Variants in MAP4 observed in about 807,000 individuals in gnomAD.
The protein encoded by MAP4 is microtubule associated protein 4, also known as microtubule-associated protein 4.
A neutral mutation model predicts 170.2 loss-of-function variants in MAP4; 76 were observed. The ratio of observed to expected loss-of-function variants is 0.45; its 90% CI spans 0.37 to 0.54. The LOEUF is 0.54. MAP4 is among the 20% of genes least tolerant of loss of function. MAP4 has a pLI of 0.00. For synonymous variants in MAP4, 909 were observed against 994.5 expected (o/e 0.91, Z 1.62); for missense variants, 2,506 against 2,748.0 (o/e 0.91, Z 1.97).
At chr3:47,956,551 A>G (rs2100067932) in intron 3 of MAP4, among the ~76,000 whole-genome samples, 2 of 152,240 alleles carry the variant, frequency 1.3e-5, no homozygotes, top group Non-Finnish European at 2.9e-5. Context: ...TCATTTATGA[A>G]CAATTATTAA....
chr3:47,899,301 A>G (rs999049201), intron 10 of MAP4, among the ~76,000 whole-genome samples: 3 of 152,066 alleles, frequency 2.0e-5, no homozygotes, highest in African/African-American at 7.2e-5. Flanking sequence ...CACCACACCC[A>G]GCTAATTTTT....
At chr3:48,067,534 T>A (rs1306511347) in intron 1 of MAP4, among the ~76,000 whole-genome samples, 1 of 152,180 alleles carries the variant, frequency 6.6e-6, no homozygotes, top group Non-Finnish European at 1.5e-5. Flanking sequence ...TTTCACTTTC[T>A]TAGGTTTAAA....
intron 10 of MAP4, chr3:47,892,091 A>G (rs2100024334): frequency 6.5e-7 from 1 of 1,535,966 alleles, no homozygotes; most frequent in Admixed American, 2.0e-5. Context: ...TGGCCCCTCT[A>G]TGAGTCCCAG....
chr3:47,880,465 GTTTTT>G (rs3079393), intron 10 of MAP4, among the ~76,000 whole-genome samples: 5 of 106,082 alleles, frequency 4.7e-5, no homozygotes, highest in African/African-American at 1.2e-4. Flanking sequence ...TCCAATTTCA[GTTTTT>G]TTTTTTTTTT....
At chr3:47,948,811 C>A (rs1453602071) in intron 3 of MAP4, among the ~76,000 whole-genome samples, 1 of 151,886 alleles carries the variant, frequency 6.6e-6, no homozygotes, top group Non-Finnish European at 1.5e-5. Flanking sequence ...TTAGTAGAGA[C>A]AGGGTTTCAC....
At chr3:47,866,582 C>T (rs540725046) in intron 17 of MAP4, among the ~76,000 whole-genome samples, 4 of 151,502 alleles carry the variant, frequency 2.6e-5, no homozygotes, top group African/African-American at 4.8e-5. Flanking sequence ...AGTGAAATCC[C>T]GTCTCTACTA....
chr3:48,065,201 T>C (rs1237437490), intron 1 of MAP4, among the ~76,000 whole-genome samples: 1 of 152,188 alleles, frequency 6.6e-6, no homozygotes, highest in Non-Finnish European at 1.5e-5. Context: ...ATTCTTTATA[T>C]ACTACTGTAC....
At chr3:48,056,973 G>A (rs1375648168) in intron 1 of MAP4, among the ~76,000 whole-genome samples, 10 of 125,730 alleles carry the variant, frequency 8.0e-5, no homozygotes, top group South Asian at 2.8e-4. Flanking sequence ...CGCCCCGTCC[G>A]GGAGGGAGGT....
At chr3:47,889,745 G>C (rs540621213) in intron 10 of MAP4, among the ~76,000 whole-genome samples, 1 of 152,078 alleles carries the variant, frequency 6.6e-6, no homozygotes, top group Non-Finnish European at 1.5e-5. Context: ...TCAAGAAAAA[G>C]ATGACAAAGT....
chr3:47,931,855 G>A (rs62260761), intron 3 of MAP4: 3,585 of 151,628 alleles, frequency 0.024, 51 homozygotes, highest in Non-Finnish European at 0.038. Context: ...AGAGTGGAAC[G>A]TGGAGTTCAA....
intron 4 of MAP4, among the ~76,000 whole-genome samples, chr3:47,922,432 C>T (rs2100043471): frequency 6.6e-6 from 1 of 151,784 alleles, no homozygotes; most frequent in African/African-American, 2.4e-5. Context: ...ATGCATAAAA[C>T]AAAAAGGGCA....
chr3:48,027,393 A>G (rs1254326704), intron 1 of MAP4, among the ~76,000 whole-genome samples: 2 of 152,184 alleles, frequency 1.3e-5, no homozygotes, highest in Non-Finnish European at 2.9e-5. Flanking sequence ...TCCCTCCCCA[A>G]AATGAATACT....
chr3:48,025,434 G>A (rs1465152316), intron 1 of MAP4, among the ~76,000 whole-genome samples: 1 of 151,500 alleles, frequency 6.6e-6, no homozygotes, highest in Non-Finnish European at 1.5e-5. Flanking sequence ...CAGTACAGGC[G>A]TGCATCACCA....
chr3:48,086,150 ACT>A (rs2100148913), intron 1 of MAP4, among the ~76,000 whole-genome samples: 1 of 151,248 alleles, frequency 6.6e-6, no homozygotes, highest in African/African-American at 2.4e-5. Context: ...ATATACACAC[ACT>A]CACACACACA....
chr3:48,015,240 CT>C (rs1246022812), intron 1 of MAP4, among the ~76,000 whole-genome samples: 4 of 110,726 alleles, frequency 3.6e-5, no homozygotes, highest in Non-Finnish European at 6.6e-5. Context: ...ATAATGCTCA[CT>C]TATATTTTCT....
chr3:47,922,902 T>C (rs2100043765), intron 4 of MAP4, among the ~76,000 whole-genome samples: 1 of 151,882 alleles, frequency 6.6e-6, no homozygotes, highest in Non-Finnish European at 1.5e-5. Context: ...ATAAAAAAAT[T>C]AGTCAGGCGT....
intron 12 of MAP4, among the ~76,000 whole-genome samples, chr3:47,873,095 T>G (rs1407458367): frequency 1.3e-5 from 2 of 152,034 alleles, no homozygotes; most frequent in African/African-American, 4.8e-5. Flanking sequence ...TGATAATATG[T>G]GATGTCAGGA....
Position 47,921,787 on chromosome 3 carries a change from AT to A in MAP4, c.506del (p.Asn169MetfsTer4). On this transcript the variant is annotated frameshift_variant, in exon 5 of 21. Coordinates refer to ENST00000683076, the MANE Select transcript of MAP4 (RefSeq NM_001385682.1). LOFTEE classifies it high-confidence loss of function. ...TADTSIFAGQ[N>X]DPLKDSYGMS... ...TACCGTAACTGTCTTTCAAGGGATC[AT>A]TTTGTCCTGCAAATATTGAAGTATC... 1 of 1,609,230 alleles carries A rather than the reference AT, an allele frequency of 6.2e-7. No homozygotes were observed. The highest frequency in any genetic ancestry group is 8.5e-7 in the Non-Finnish European group (1 of 1,175,580).
rs1017854327 is a variant in MAP4 at position 48,043,787 on chromosome 3, G to A, written c.-19-44908C>T. On this transcript the variant is annotated intron_variant, in intron 1 of 18. Transcript: ENST00000360240. ...CAAAACCGTAAAAGTAAGAATGCACGCTGAAACCATGCAAAGTGATCATAA... is the reference window on the plus strand; with the variant it reads ...CAAAACCGTAAAAGTAAGAATGCACACTGAAACCATGCAAAGTGATCATAA... 7.2e-5 allele frequency among the ~76,000 whole-genome samples: 11 copies of A among 152,144 alleles called. No homozygotes were observed. In the East Asian group the frequency reaches 1.2e-3, roughly 16 times the overall value.
Sources: allele counts gnomAD v4.1 joint callset (sites outside exome capture counted in the v4.1 genomes callset), GRCh38; gene constraint gnomAD v4.1.1; transcripts MANE v1.5; gene names NCBI Gene and HGNC (gene_info 2026-07-23, HGNC 2026-07-21).